UTS2B: variants seen among roughly 807,000 people sequenced by gnomAD.
The protein encoded by UTS2B is urotensin 2B, also known as urotensin-2B.
UTS2B carries 21 observed loss-of-function variants against 19.2 expected under a neutral mutation model. The observed-to-expected ratio is 1.09, with a 90% CI of 0.78 to 1.58. UTS2B has a LOEUF of 1.58. Ranked by LOEUF, UTS2B falls within the 40% of genes most tolerant of loss-of-function variation. The probability of loss-of-function intolerance (pLI) is 0.00; values close to 1 mark genes in which losing one functional copy is unlikely to be tolerated. For missense variants in UTS2B, 138 were observed against 130.3 expected, an observed-to-expected ratio of 1.06 and a Z score of -0.29; for synonymous variants, 57 against 50.2, an observed-to-expected ratio of 1.14 and a Z score of -0.58.
the UTS2B span, among the ~76,000 whole-genome samples, chr3:191,342,138 C>T: frequency 6.6e-6 from 1 of 152,184 alleles, no homozygotes; most frequent in African/African-American, 2.4e-5. Context: ...TCAAGATTTA[C>T]ACATTTGTTT....
intron 4 of UTS2B, among the ~76,000 whole-genome samples, chr3:191,284,383 G>A (rs548491634): frequency 5.3e-5 from 8 of 151,822 alleles, no homozygotes; most frequent in South Asian, 2.1e-4. Flanking sequence ...GTACAGTGGC[G>A]TAATCATGGT....
At chr3:191,305,441 T>C (rs1361232819) in intron 3 of UTS2B, among the ~76,000 whole-genome samples, 1 of 152,238 alleles carries the variant, frequency 6.6e-6, no homozygotes, top group East Asian at 1.9e-4. Context: ...TCTTTGCATA[T>C]AATTCTTGGC....
chr3:191,305,788 T>A (rs117645439), intron 3 of UTS2B, among the ~76,000 whole-genome samples: 3,769 of 152,306 alleles, frequency 0.025, 113 homozygotes, highest in East Asian at 0.13. Flanking sequence ...AGGGTTTTTA[T>A]AGTTTTGAGT....
chr3:191,269,829 G>C (rs1716038820), intron 8 of UTS2B, among the ~76,000 whole-genome samples: 1 of 152,224 alleles, frequency 6.6e-6, no homozygotes, highest in South Asian at 2.1e-4. Context: ...ATGGAATATA[G>C]TTTGGAGAAT....
chr3:191,291,741 C>T (rs752135519), intron 4 of UTS2B, among the ~76,000 whole-genome samples: 6 of 152,204 alleles, frequency 3.9e-5, no homozygotes, highest in South Asian at 2.1e-4. Flanking sequence ...CGTGAGCCAC[C>T]GCGCCCGGCC....
intron 4 of UTS2B, among the ~76,000 whole-genome samples, chr3:191,294,398 T>G (rs1716803443): frequency 6.6e-6 from 1 of 151,680 alleles, no homozygotes; most frequent in African/African-American, 2.4e-5. Context: ...GAAAAAAAAC[T>G]CTCTAAGCCT....
At chr3:191,314,997 T>C (rs1717407008) in intron 3 of UTS2B, among the ~76,000 whole-genome samples, 1 of 151,930 alleles carries the variant, frequency 6.6e-6, no homozygotes, top group African/African-American at 2.4e-5. Flanking sequence ...CCCTGAGTTC[T>C]GCGTGCCACC....
chr3:191,268,442 C>T lies in UTS2B; in HGVS notation c.335-1G>A. 1 of 1,556,120 alleles carries T rather than the reference C, an allele frequency of 6.4e-7. No individual in the cohort carries two copies. The highest frequency in any genetic ancestry group is 8.8e-7 in the Non-Finnish European group (1 of 1,139,706). On this transcript the variant is annotated splice_acceptor_variant, in intron 8 of 8. Transcript: ENST00000340524. LOFTEE classifies it high-confidence loss of function. Reference sequence around the variant, plus strand: ...TAAACACAGTATTTCCAAAAGCAAGCTAAAGAAGAAAACAAAATACATTTT... The same window carrying T: ...TAAACACAGTATTTCCAAAAGCAAGTTAAAGAAGAAAACAAAATACATTTT...
At chr3:191,329,508 T>G (rs1717867886) in intron 1 of UTS2B, 2 of 581,796 alleles carry the variant, frequency 3.4e-6, no homozygotes, top group Non-Finnish European at 5.7e-6. Flanking sequence ...CCCGCTGCTT[T>G]GGTCACCAGC....
At chr3:191,315,424 G>C (rs541824334) in intron 3 of UTS2B, among the ~76,000 whole-genome samples, 1 of 152,340 alleles carries the variant, frequency 6.6e-6, no homozygotes, top group East Asian at 1.9e-4. Flanking sequence ...GGCATAGGAA[G>C]TGAAGGGCAG....
intron 4 of UTS2B, among the ~76,000 whole-genome samples, chr3:191,296,589 T>C (rs1047609032): frequency 2.0e-5 from 3 of 152,208 alleles, no homozygotes; most frequent in East Asian, 3.8e-4. Context: ...CCCAGAAATA[T>C]CTAATAATTA....
At chr3:191,306,359 C>A (rs1717139823) in intron 3 of UTS2B, among the ~76,000 whole-genome samples, 1 of 152,182 alleles carries the variant, frequency 6.6e-6, no homozygotes, top group South Asian at 2.1e-4. Flanking sequence ...CTGATTTCAT[C>A]ATTTATAATT....
Position 191,318,602 on chromosome 3 carries a change from T to C in UTS2B, c.-585-2163A>G, listed in dbSNP as rs375891929. 2.6e-5 allele frequency among the ~76,000 whole-genome samples: 4 copies of C among 152,348 alleles called. No homozygotes were observed. The East Asian group carries it at 7.7e-4, about 29-fold the overall frequency. On this transcript the variant is annotated intron_variant, in intron 2 of 8. Transcript: ENST00000340524. ...CTCCCACCTCAGCCTCCTGAGTAGCTGGAACCACGGGTGCACACCACCATG... is the reference window on the plus strand; with the variant it reads ...CTCCCACCTCAGCCTCCTGAGTAGCCGGAACCACGGGTGCACACCACCATG...
At chr3:191,319,800 G>A (rs1483943710) in intron 2 of UTS2B, among the ~76,000 whole-genome samples, 8 of 151,010 alleles carry the variant, frequency 5.3e-5, no homozygotes, top group African/African-American at 9.7e-5. Context: ...CCTGGGAGGC[G>A]GAGGTTGCAG....
At chr3:191,297,264 CT>C (rs1477286541) in intron 4 of UTS2B, among the ~76,000 whole-genome samples, 1 of 152,140 alleles carries the variant, frequency 6.6e-6, no homozygotes, top group Non-Finnish European at 1.5e-5. Flanking sequence ...TTTCTTGAGT[CT>C]CATCTGCTCT....
chr3:191,278,447 T>G (rs1480260942), intron 5 of UTS2B, among the ~76,000 whole-genome samples: 1 of 152,026 alleles, frequency 6.6e-6, no homozygotes, highest in Non-Finnish European at 1.5e-5. Context: ...GAATTGGAGG[T>G]GAATTTTACT....
At chr3:191,291,180 G>T (rs1716703057) in intron 4 of UTS2B, among the ~76,000 whole-genome samples, 1 of 152,084 alleles carries the variant, frequency 6.6e-6, no homozygotes, top group African/African-American at 2.4e-5. Context: ...TTGTTAAGTT[G>T]TAAGAGTTCA....
intron 4 of UTS2B, among the ~76,000 whole-genome samples, chr3:191,291,466 T>TC (rs1306762920): frequency 6.6e-6 from 1 of 151,954 alleles, no homozygotes; most frequent in Non-Finnish European, 1.5e-5. Flanking sequence ...ACTTTCTTTT[T>TC]TTTTGAGACA....
chr3:191,299,177 A>T (rs1318084312), intron 4 of UTS2B, among the ~76,000 whole-genome samples: 1 of 152,156 alleles, frequency 6.6e-6, no homozygotes, highest in African/African-American at 2.4e-5. Context: ...AGAAAAGAAA[A>T]CTCCATTTTC....
Sources: gnomAD v4.1 joint callset for allele counts (sites outside exome capture counted in the v4.1 genomes callset) on GRCh38, gnomAD v4.1.1 for gene constraint, MANE v1.5 for transcripts, NCBI Gene and HGNC (gene_info 2026-07-23, HGNC 2026-07-21) for gene names.